ACBD6: variants seen among roughly 807,000 people sequenced by gnomAD.
ACBD6 encodes the protein acyl-CoA-binding domain-containing protein 6.
ACBD6 carries 28 observed loss-of-function variants against 37.2 expected under a neutral mutation model. The observed-to-expected ratio is 0.75, with a 90% CI of 0.56 to 1.03. The LOEUF is 1.03. Among genes scored for constraint, ACBD6 ranks in the 50% least tolerant of loss-of-function variants. The pLI is 0.00. For missense variants in ACBD6, 340 were observed against 337.4 expected (o/e 1.01, Z -0.06); for synonymous variants, 113 against 126.8 (o/e 0.89, Z 0.73).
chr1:180,359,014 T>TA (rs910456990), intron 6 of ACBD6, among the ~76,000 whole-genome samples: 1 of 152,038 alleles, frequency 6.6e-6, no homozygotes, highest in Non-Finnish European at 1.5e-5. Context: ...TTGCTGAGGA[T>TA]AAAAAAAAGA....
intron 6 of ACBD6, among the ~76,000 whole-genome samples, chr1:180,387,946 C>T (rs935203704): frequency 9.2e-5 from 14 of 151,926 alleles, no homozygotes; most frequent in Admixed American, 3.3e-4. Flanking sequence ...GAGGCCGAGG[C>T]GGGCAGATCA....
chr1:180,397,819 G>A (rs1274956073), intron 5 of ACBD6, among the ~76,000 whole-genome samples: 2 of 152,120 alleles, frequency 1.3e-5, no homozygotes, highest in African/African-American at 2.4e-5. Flanking sequence ...TTGAAAGGCC[G>A]AGGTGGGTGG....
At chr1:180,390,170 A>C (rs950079443) in intron 6 of ACBD6, among the ~76,000 whole-genome samples, 1 of 152,080 alleles carries the variant, frequency 6.6e-6, no homozygotes, top group Non-Finnish European at 1.5e-5. Flanking sequence ...ACCTTGAATT[A>C]ATTTTTGTAG....
At chr1:180,422,784 G>T (rs987471150) in intron 4 of ACBD6, among the ~76,000 whole-genome samples, 1 of 152,050 alleles carries the variant, frequency 6.6e-6, no homozygotes, top group African/African-American at 2.4e-5. Flanking sequence ...ACTGTTATAC[G>T]CAGTTTACTG....
chr1:180,471,734 G>A (rs1650578077), intron 3 of ACBD6, among the ~76,000 whole-genome samples: 2 of 152,066 alleles, frequency 1.3e-5, no homozygotes, highest in African/African-American at 4.8e-5. Flanking sequence ...ACAACACATG[G>A]GAATTCTGGG....
chr1:180,358,793 G>A (rs1209967597), intron 6 of ACBD6, among the ~76,000 whole-genome samples: 1 of 152,168 alleles, frequency 6.6e-6, no homozygotes, highest in Non-Finnish European at 1.5e-5. Flanking sequence ...CACAAAGCCT[G>A]TAAAGACACT....
chr1:180,324,971 G>GATGTGTTGGAGCTCCATT (rs1405373630), intron 6 of ACBD6, among the ~76,000 whole-genome samples: 1 of 152,128 alleles, frequency 6.6e-6, no homozygotes, highest in African/African-American at 2.4e-5. Context: ...TCTGCTGCCA[G>GATGTGTTGGAGCTCCATT]ATGTGTTGGA....
At chr1:180,392,655 T>C (rs188465841) in intron 6 of ACBD6, among the ~76,000 whole-genome samples, 7 of 152,276 alleles carry the variant, frequency 4.6e-5, no homozygotes, top group Admixed American at 3.9e-4. Flanking sequence ...TCTTGACACA[T>C]AGTAAACACT....
At chr1:180,501,944 T>G in intron 1 of ACBD6, 101 bp downstream of exon 1, 1 of 1,141,010 alleles carries the variant, frequency 8.8e-7, no homozygotes, top group Non-Finnish European at 1.3e-6. Flanking sequence ...ATACACAAGC[T>G]TCATTACACC....
chr1:180,419,238 G>A (rs1042506947), intron 4 of ACBD6, among the ~76,000 whole-genome samples: 5 of 152,080 alleles, frequency 3.3e-5, no homozygotes, highest in East Asian at 1.9e-4. Flanking sequence ...GTGACAGAGC[G>A]AGACTCCGTC....
intron 6 of ACBD6, among the ~76,000 whole-genome samples, chr1:180,377,238 C>T (rs1291626819): frequency 1.3e-5 from 2 of 152,132 alleles, no homozygotes; most frequent in Non-Finnish European, 2.9e-5. Flanking sequence ...AGTGTAAACA[C>T]ACGATATTCT....
intron 2 of ACBD6, among the ~76,000 whole-genome samples, chr1:180,494,340 T>C (rs1212602813): frequency 1.3e-5 from 2 of 152,174 alleles, no homozygotes; most frequent in East Asian, 1.9e-4. Context: ...TAAAATTTCA[T>C]AAATTATAAC....
At chr1:180,491,468 C>T (rs182667323) in intron 3 of ACBD6, among the ~76,000 whole-genome samples, 1 of 152,250 alleles carries the variant, frequency 6.6e-6, no homozygotes, top group Admixed American at 6.5e-5. Flanking sequence ...CCAAAGCAAT[C>T]CCTTTTCCTG....
At chr1:180,418,669 G>C (rs779940466) in intron 4 of ACBD6, among the ~76,000 whole-genome samples, 3 of 152,054 alleles carry the variant, frequency 2.0e-5, no homozygotes, top group Admixed American at 6.5e-5. Flanking sequence ...GCCATACTTA[G>C]CACACTGAAA....
chr1:180,444,371 A>G (rs886998095), intron 3 of ACBD6, among the ~76,000 whole-genome samples: 1 of 152,162 alleles, frequency 6.6e-6, no homozygotes, highest in Non-Finnish European at 1.5e-5. Context: ...TATTCTAAAT[A>G]CATTCCCCTT....
chr1:180,459,107 G>A (rs12084039), intron 3 of ACBD6, among the ~76,000 whole-genome samples: 16,340 of 152,066 alleles, frequency 0.11, 1,289 homozygotes, highest in African/African-American at 0.21. Context: ...AAAGTTATTC[G>A]TAAGATGCTG....
Position 180,409,013 on chromosome 1 carries a change from C to T in ACBD6, c.573+4353G>A, listed in dbSNP as rs147673490. Among the ~76,000 whole-genome samples, 36 of 152,010 alleles carry T rather than the reference C, an allele frequency of 2.4e-4. No individual in the cohort carries two copies. In the East Asian group the frequency reaches 6.0e-3, roughly 25 times the overall value. On this transcript the variant is annotated intron_variant, in intron 5 of 7. Transcript: ENST00000367595. ...CTCTACTAAAAATACAAAAATTAGC[C>T]AGGCATGGTAGTGCACACCTGTGGT...
At chr1:180,397,365 G>C in intron 6 of ACBD6, 151 bp downstream of exon 6, 1 of 736,554 alleles carries the variant, frequency 1.4e-6, no homozygotes, top group Non-Finnish European at 2.4e-6. Context: ...ACAGTATTAC[G>C]GAACTATATA....
chr1:180,450,724 C>A (rs571091619), intron 3 of ACBD6, among the ~76,000 whole-genome samples: 1 of 152,164 alleles, frequency 6.6e-6, no homozygotes, highest in Admixed American at 6.6e-5. Flanking sequence ...TGCGCCACTG[C>A]ACTCCAGCCT....
Sources: allele counts gnomAD v4.1 joint callset (sites outside exome capture counted in the v4.1 genomes callset), GRCh38; gene constraint gnomAD v4.1.1; transcripts MANE v1.5; gene names NCBI Gene and HGNC (gene_info 2026-07-23, HGNC 2026-07-21).